CSMD1: variants seen among roughly 807,000 people sequenced by gnomAD.
The protein encoded by CSMD1 is CUB and sushi domain-containing protein 1.
A neutral mutation model predicts 417.5 loss-of-function variants in CSMD1; 213 were observed. The ratio of observed to expected loss-of-function variants is 0.51; its 90% CI spans 0.46 to 0.57. The LOEUF (loss-of-function observed/expected upper bound fraction) is 0.57. Among genes scored for constraint, CSMD1 ranks in the 20% least tolerant of loss-of-function variants. CSMD1 has a pLI of 0.00. For synonymous variants in CSMD1, 2,862 were observed against 1,736.8 expected, an observed-to-expected ratio of 1.65 and a Z score of -16.11; for missense variants, 6,923 against 4,529.7, an observed-to-expected ratio of 1.53 and a Z score of -15.17.
chr8:4,834,679 A>G (rs181044411), intron 1 of CSMD1, among the ~76,000 whole-genome samples: 4 of 152,154 alleles, frequency 2.6e-5, no homozygotes, highest in Admixed American at 6.5e-5. Flanking sequence ...AAAAAAGGCC[A>G]GGTGCGGTGG....
At chr8:3,662,439 T>C (rs188363422) in intron 7 of CSMD1, among the ~76,000 whole-genome samples, 8 of 152,334 alleles carry the variant, frequency 5.3e-5, no homozygotes, top group Admixed American at 1.3e-4. Context: ...CAGTCTATTA[T>C]TGATGGGCAT....
chr8:4,044,128 G>A (rs12681611), intron 3 of CSMD1, among the ~76,000 whole-genome samples: 17,196 of 152,198 alleles, frequency 0.11, 1,500 homozygotes, highest in East Asian at 0.38. Flanking sequence ...TGGCTCACAT[G>A]TTCTCATCTT....
intron 10 of CSMD1, among the ~76,000 whole-genome samples, chr8:3,537,346 G>A (rs1798246533): frequency 6.6e-6 from 1 of 152,164 alleles, no homozygotes; most frequent in African/African-American, 2.4e-5. Context: ...TCACCTGTAT[G>A]AGTTTTTATT....
chr8:4,279,864 G>C (rs1245440417), intron 3 of CSMD1, among the ~76,000 whole-genome samples: 8 of 152,190 alleles, frequency 5.3e-5, no homozygotes, highest in African/African-American at 2.4e-5. Flanking sequence ...CAGTAAAAAT[G>C]AATCTGAAGC....
chr8:3,888,415 T>C (rs1806712641), intron 5 of CSMD1, among the ~76,000 whole-genome samples: 1 of 152,186 alleles, frequency 6.6e-6, no homozygotes, highest in South Asian at 2.1e-4. Context: ...CGGAAACCTT[T>C]TTTTACCTTA....
At chr8:3,866,565 G>C (rs144463366) in intron 5 of CSMD1, among the ~76,000 whole-genome samples, 118 of 152,032 alleles carry the variant, frequency 7.8e-4, no homozygotes, top group Non-Finnish European at 1.4e-3. Context: ...TTTAGTTCTG[G>C]TGATGACACT....
chr8:3,213,557 T>A (rs1279047456), intron 30 of CSMD1, among the ~76,000 whole-genome samples: 1 of 152,134 alleles, frequency 6.6e-6, no homozygotes, highest in Non-Finnish European at 1.5e-5. Context: ...ATTTTACTAA[T>A]TTCATTCCTA....
intron 1 of CSMD1, among the ~76,000 whole-genome samples, chr8:4,655,623 T>C (rs765090077): frequency 6.6e-5 from 10 of 152,112 alleles, no homozygotes; most frequent in South Asian, 2.1e-4. Flanking sequence ...GTACTTGCTA[T>C]AGAAGAACAT....
intron 3 of CSMD1, among the ~76,000 whole-genome samples, chr8:4,288,122 G>A (rs553707970): frequency 6.6e-6 from 1 of 152,214 alleles, no homozygotes; most frequent in Admixed American, 6.5e-5. Context: ...CATGCTTTCT[G>A]TTCCTGCAGC....
At chr8:4,452,254 C>T (rs1165349816) in intron 2 of CSMD1, among the ~76,000 whole-genome samples, 1 of 152,168 alleles carries the variant, frequency 6.6e-6, no homozygotes, top group Non-Finnish European at 1.5e-5. Flanking sequence ...CTGAACGCCT[C>T]AGCTCCTCCT....
At position 3,470,502 on chromosome 8, in the gene CSMD1, C is replaced by T. The variant is rs186312478; in HGVS notation, c.1449-1678G>A. Among the ~76,000 whole-genome samples the T allele has an allele frequency of 7.4e-4, 113 of 152,282 alleles. No homozygotes were observed. In the Middle Eastern group the frequency reaches 0.037, roughly 50 times the overall value. ...TGACATGGATACAACCTACCAGCCT[C>T]GTTAAAACTTTCCCTGTTTTATTCG... On this transcript the variant is annotated intron_variant, in intron 11 of 69. Coordinates refer to ENST00000635120, the MANE Select transcript of CSMD1 (RefSeq NM_033225.6).
intron 18 of CSMD1, among the ~76,000 whole-genome samples, chr8:3,379,507 G>T (rs1273396740): frequency 6.6e-6 from 1 of 152,102 alleles, no homozygotes; most frequent in Non-Finnish European, 1.5e-5. Context: ...ATACTACCAG[G>T]CTACAGTAAC....
intron 21 of CSMD1, among the ~76,000 whole-genome samples, chr8:3,354,689 A>C (rs1203520303): frequency 6.6e-6 from 1 of 151,924 alleles, no homozygotes; most frequent in Non-Finnish European, 1.5e-5. Flanking sequence ...GCTTTTAAGA[A>C]GCAACAGAAA....
At chr8:3,774,376 C>T (rs1456883445) in intron 5 of CSMD1, among the ~76,000 whole-genome samples, 1 of 152,044 alleles carries the variant, frequency 6.6e-6, no homozygotes, top group Non-Finnish European at 1.5e-5. Flanking sequence ...CTGTCATCTC[C>T]CCGGGATGCA....
chr8:3,329,033 C>T (rs1429954434), intron 23 of CSMD1, among the ~76,000 whole-genome samples: 2 of 151,948 alleles, frequency 1.3e-5, no homozygotes, highest in African/African-American at 2.4e-5. Flanking sequence ...AAAAATTTAC[C>T]TAAATATGGA....
chr8:4,538,506 G>T (rs981798399), intron 2 of CSMD1, among the ~76,000 whole-genome samples: 5 of 152,020 alleles, frequency 3.3e-5, no homozygotes, highest in African/African-American at 4.8e-5. Context: ...AGCTGTGTGT[G>T]GTGGCAGGTG....
intron 6 of CSMD1, among the ~76,000 whole-genome samples, chr8:3,732,004 G>GT (rs1449568215): frequency 6.6e-6 from 1 of 152,060 alleles, no homozygotes; most frequent in Admixed American, 6.6e-5. Context: ...CAGCAACATT[G>GT]TAAGAAGAGC....
Position 4,799,598 on chromosome 8 carries a change from C to CAAAAAAAA in CSMD1, c.86-162048_86-162041dup, listed in dbSNP as rs1168273531. 3.6e-3 allele frequency among the ~76,000 whole-genome samples: 168 copies of CAAAAAAAA among 47,168 alleles called. 10 individuals carry two copies. The highest frequency in any genetic ancestry group is 5.7e-3 in the African/African-American group (57 of 10,026). 30.9% of individuals were successfully genotyped at this position (47,168 alleles called of 152,430 possible). A position where few individuals can be genotyped will look rare whatever the true frequency, so the allele number is the denominator to read the frequency against. ...TGTGTGAGAGAGCAAGACTCCGTCTCAAAAAAAAAAAAAAAAAAAAAAAAA... is the reference window on the plus strand; with the variant it reads ...TGTGTGAGAGAGCAAGACTCCGTCTCAAAAAAAAAAAAAAAAAAAAAAAAAAAAAAAAA... On this transcript the variant is annotated intron_variant, in intron 1 of 69. Transcript: ENST00000635120.
chr8:4,765,651 A>G (rs937400438), intron 1 of CSMD1, among the ~76,000 whole-genome samples: 4 of 152,210 alleles, frequency 2.6e-5, no homozygotes, highest in African/African-American at 9.6e-5. Flanking sequence ...CTAAAGATAT[A>G]TCCAAGCAAA....
Sources: allele counts gnomAD v4.1 joint callset (sites outside exome capture counted in the v4.1 genomes callset), GRCh38; gene constraint gnomAD v4.1.1; transcripts MANE v1.5; gene names NCBI Gene and HGNC (gene_info 2026-07-23, HGNC 2026-07-21).